The following SPATA22 variants were observed in gnomAD, a reference collection of about 807,000 sequenced individuals.
SPATA22 encodes spermatogenesis associated 22.
In SPATA22, 29 loss-of-function variants were observed where a neutral mutation model predicts 47.8. The observed-to-expected ratio is 0.61, with a 90% CI of 0.45 to 0.83. The LOEUF is 0.83. SPATA22 is among the 40% of genes least tolerant of loss of function. The pLI is 0.00. For missense variants in SPATA22, 410 were observed against 421.7 expected (o/e 0.97, Z 0.24); for synonymous variants, 133 against 140.9 (o/e 0.94, Z 0.40).
chr17:3,441,121 TA>T (rs2072588342), intron 8 of SPATA22: 2 of 152,040 alleles, frequency 1.3e-5, no homozygotes, highest in African/African-American at 4.8e-5. Flanking sequence ...TTGCTTTCAT[TA>T]AATAGTCACA....
Position 3,448,813 on chromosome 17 carries a change from G to A in SPATA22, c.666C>T (p.Thr222=). 1 of 1,589,932 alleles carries A rather than the reference G, an allele frequency of 6.3e-7. No individual in the cohort carries two copies. The highest frequency in any genetic ancestry group is 1.8e-5 in the Admixed American group (1 of 57,130). ...QMLDDIPEDN[T]LKETSLYQLQ... ...TTTGTATTTAAACATTTACCTTCAG[G>A]GTGTTGTCTTCTGGAATATCATCCA... The change falls in exon 6 of 9, where the codon ACC becomes ACT. Residue 222 remains threonine (T), a synonymous_variant. Transcript: ENST00000572969.
At chr17:3,498,173 G>A (rs1409948062) in intron 1 of SPATA22, among the ~76,000 whole-genome samples, 1 of 152,158 alleles carries the variant, frequency 6.6e-6, no homozygotes, top group African/African-American at 2.4e-5. Context: ...ACGGTAGAAT[G>A]TCTTGCACAC....
At chr17:3,453,520 C>G (rs1340833782) in intron 5 of SPATA22, among the ~76,000 whole-genome samples, 1 of 152,004 alleles carries the variant, frequency 6.6e-6, no homozygotes, top group Non-Finnish European at 1.5e-5. Flanking sequence ...AGGTCATTTG[C>G]AAAATTCCCA....
intron 6 of SPATA22, among the ~76,000 whole-genome samples, chr17:3,446,976 A>G (rs374339955): frequency 6.6e-6 from 1 of 152,150 alleles, no homozygotes; most frequent in South Asian, 2.1e-4. Context: ...TCATTCATTC[A>G]TTCGTTTCAA....
At chr17:3,452,751 T>C (rs766703688) in intron 5 of SPATA22, among the ~76,000 whole-genome samples, 6 of 152,078 alleles carry the variant, frequency 3.9e-5, no homozygotes, top group African/African-American at 7.2e-5. Context: ...AGGACTATTA[T>C]GAACATTATA....
At chr17:3,489,475 C>G (rs1343315490) in intron 1 of SPATA22, 2 of 713,428 alleles carry the variant, frequency 2.8e-6, no homozygotes, top group East Asian at 5.5e-5. Context: ...CAGCTATTCC[C>G]CAATGGCCAG....
chr17:3,461,491 G>C (rs2073124639), intron 5 of SPATA22, among the ~76,000 whole-genome samples: 1 of 152,056 alleles, frequency 6.6e-6, no homozygotes. Context: ...TTGTCAGAAT[G>C]GATTTTCTTC....
intron 1 of SPATA22, among the ~76,000 whole-genome samples, chr17:3,477,016 G>A (rs1035614720): frequency 3.3e-5 from 5 of 151,846 alleles, no homozygotes; most frequent in African/African-American, 9.7e-5. Context: ...TTAGCCGGGC[G>A]TAGTGGCGGG....
chr17:3,505,437 C>T (rs1457171989), intron 1 of SPATA22, among the ~76,000 whole-genome samples: 1 of 152,208 alleles, frequency 6.6e-6, no homozygotes, highest in Non-Finnish European at 1.5e-5. Context: ...TCTGGAAGGG[C>T]TTCTTTGGAA....
At chr17:3,495,031 C>T (rs1235129111) in intron 1 of SPATA22, among the ~76,000 whole-genome samples, 1 of 152,052 alleles carries the variant, frequency 6.6e-6, no homozygotes, top group Non-Finnish European at 1.5e-5. Context: ...CCCCAACTCT[C>T]CTCAGAACCC....
Position 3,495,799 on chromosome 17 carries a change from C to T in SPATA22, c.-74+17613G>A, listed in dbSNP as rs1184104589. 3.3e-5 allele frequency among the ~76,000 whole-genome samples: 5 copies of T among 152,134 alleles called. No homozygotes were observed. In the South Asian group the frequency reaches 6.2e-4, roughly 19 times the overall value. ...GGCCAGGATGGTCTCAATCTCCTGA[C>T]ATCATGATCCACCTGCCTCGGCCTC... On this transcript the variant is annotated intron_variant, in intron 1 of 8. Coordinates refer to the SPATA22 transcript ENST00000541913.
At chr17:3,500,226 G>C (rs1391862022) in intron 1 of SPATA22, 1 of 152,268 alleles carries the variant, frequency 6.6e-6, no homozygotes, top group African/African-American at 2.4e-5. Flanking sequence ...AAGCGAACCA[G>C]CAAGTTGCTG....
upstream of SPATA22, among the ~76,000 whole-genome samples, chr17:3,474,582 CT>C (rs1052622669): frequency 5.9e-5 from 9 of 151,396 alleles, no homozygotes; most frequent in South Asian, 6.3e-4. Context: ...CCTACAGGAG[CT>C]TTTTTTTTCT....
intron 5 of SPATA22, among the ~76,000 whole-genome samples, chr17:3,456,154 G>A (rs34287415): frequency 0.23 from 35,486 of 151,722 alleles, 4,423 homozygotes; most frequent in East Asian, 0.42. Flanking sequence ...AAGAAAAAGC[G>A]AACACATTCA....
intron 1 of SPATA22, among the ~76,000 whole-genome samples, chr17:3,509,830 G>A (rs999708035): frequency 1.7e-5 from 1 of 57,226 alleles, no homozygotes; most frequent in African/African-American, 4.8e-5. Context: ...AGCATCTATT[G>A]TTTCCTGACT....
intron 1 of SPATA22, chr17:3,501,608 A>T (rs1334344651): frequency 1.2e-5 from 2 of 166,236 alleles, no homozygotes; most frequent in Admixed American, 1.3e-4. Context: ...TATTACGTAA[A>T]CATAGTTGAT....
intron 2 of SPATA22, chr17:3,468,313 T>C (rs1473777771): frequency 6.6e-6 from 1 of 152,346 alleles, no homozygotes; most frequent in East Asian, 1.9e-4. Context: ...AAAAAGCTTG[T>C]GCATTGCTAT....
chr17:3,508,613 A>C (rs2074064713), intron 1 of SPATA22, among the ~76,000 whole-genome samples: 1 of 145,906 alleles, frequency 6.9e-6, no homozygotes, highest in Non-Finnish European at 1.5e-5. Flanking sequence ...ACATGGATGA[A>C]ATTGGAAATC....
At chr17:3,506,549 C>T (rs990436679) in intron 1 of SPATA22, among the ~76,000 whole-genome samples, 2 of 152,144 alleles carry the variant, frequency 1.3e-5, no homozygotes, top group Non-Finnish European at 2.9e-5. Context: ...TTAGAAACTA[C>T]ATATTAAGGG....
Sources: allele counts gnomAD v4.1 joint callset (sites outside exome capture counted in the v4.1 genomes callset), GRCh38; gene constraint gnomAD v4.1.1; transcripts MANE v1.5; gene names NCBI Gene and HGNC (gene_info 2026-07-23, HGNC 2026-07-21).